The following GABRB1 variants were observed in gnomAD, a reference collection of about 807,000 sequenced individuals.
GABRB1 encodes the protein gamma-aminobutyric acid type A receptor subunit beta1.
Under a neutral mutation model 51.6 loss-of-function variants are expected in GABRB1, and 17 were observed. That is an observed-to-expected ratio of 0.33 (90% CI 0.23 to 0.49). The LOEUF (loss-of-function observed/expected upper bound fraction) is 0.49, where lower values mean the gene tolerates loss of function less well. GABRB1 is among the 20% of genes least tolerant of loss of function. The pLI is 0.99. For missense variants in GABRB1, 410 were observed against 600.6 expected (o/e 0.68, Z 3.32); for synonymous variants, 247 against 218.9 (o/e 1.13, Z -1.14).
intron 4 of GABRB1, among the ~76,000 whole-genome samples, chr4:47,184,068 C>T (rs544665363): frequency 1.2e-4 from 18 of 151,940 alleles, no homozygotes; most frequent in African/African-American, 4.3e-4. Context: ...AAAGTGATTC[C>T]CACTGTAAAT....
intron 4 of GABRB1, among the ~76,000 whole-genome samples, chr4:47,310,585 T>C (rs1385303345): frequency 6.6e-6 from 1 of 152,162 alleles, no homozygotes; most frequent in African/African-American, 2.4e-5. Flanking sequence ...CTACAATAAC[T>C]GGGGAGAACT....
intron 5 of GABRB1, among the ~76,000 whole-genome samples, chr4:47,326,343 A>T (rs138923164): frequency 9.9e-5 from 15 of 152,282 alleles, no homozygotes; most frequent in African/African-American, 3.6e-4. Flanking sequence ...CAGGCATTGT[A>T]TCATCTCACA....
At chr4:47,168,927 A>G (rs1391133009) in intron 4 of GABRB1, among the ~76,000 whole-genome samples, 1 of 152,122 alleles carries the variant, frequency 6.6e-6, no homozygotes, top group Non-Finnish European at 1.5e-5. Context: ...GTGTCTCCAC[A>G]TAATCTTCCC....
chr4:47,135,278 C>T (rs970158366), intron 3 of GABRB1, among the ~76,000 whole-genome samples: 1 of 152,002 alleles, frequency 6.6e-6, no homozygotes, highest in South Asian at 2.1e-4. Flanking sequence ...CTTTAGGAAT[C>T]GGCAGCACAT....
chr4:47,031,792 T>C (rs1224978420), intron 1 of GABRB1, 61 bp downstream of exon 1: 1 of 1,541,046 alleles, frequency 6.5e-7, no homozygotes, highest in Non-Finnish European at 9.0e-7. Flanking sequence ...CTTGGTATGT[T>C]TCTTTTTACG....
intron 4 of GABRB1, among the ~76,000 whole-genome samples, chr4:47,186,545 A>G (rs1221566756): frequency 1.3e-5 from 2 of 151,878 alleles, no homozygotes; most frequent in African/African-American, 2.4e-5. Context: ...AAAATGGCCC[A>G]TGCACTTTCC....
intron 5 of GABRB1, among the ~76,000 whole-genome samples, chr4:47,361,272 A>C (rs926649974): frequency 2.0e-5 from 3 of 152,176 alleles, no homozygotes; most frequent in Non-Finnish European, 4.4e-5. Flanking sequence ...ACTTAAGGAA[A>C]GCGTGCCAAC....
chr4:47,022,181 G>T (rs1026006399), intron 1 of GABRB1, among the ~76,000 whole-genome samples: 3 of 151,942 alleles, frequency 2.0e-5, no homozygotes, highest in Admixed American at 1.3e-4. Context: ...ACTTTATTTT[G>T]TGTGTTAATT....
chr4:47,335,456 C>T (rs1338039092), intron 5 of GABRB1, among the ~76,000 whole-genome samples: 2 of 151,950 alleles, frequency 1.3e-5, no homozygotes, highest in South Asian at 2.1e-4. Context: ...AGATGATACT[C>T]TCCCTGTTGT....
chr4:47,138,975 G>C (rs1295511916), intron 3 of GABRB1, among the ~76,000 whole-genome samples: 1 of 151,930 alleles, frequency 6.6e-6, no homozygotes, highest in African/African-American at 2.4e-5. Context: ...CAAACATTTG[G>C]GATGAAAGTG....
At chr4:47,193,446 A>G (rs1719526412) in intron 4 of GABRB1, among the ~76,000 whole-genome samples, 1 of 152,204 alleles carries the variant, frequency 6.6e-6, no homozygotes, top group African/African-American at 2.4e-5. Flanking sequence ...CCATTTTACA[A>G]TGGAAGAAAC....
chr4:47,041,414 A>C (rs532445593), intron 3 of GABRB1, among the ~76,000 whole-genome samples: 1 of 152,220 alleles, frequency 6.6e-6, no homozygotes, highest in African/African-American at 2.4e-5. Flanking sequence ...AGATTCAAAT[A>C]GAAGAGGGCC....
In GABRB1 at chr4:47,050,371, T is replaced by G. The variant is rs1726290850; in HGVS notation, c.240+17887T>G. ...AAGTTCAAAATCCATTTAATTCTAATTTTATTGGAGAGTTAGTAGAAAGGA... is the reference window on the plus strand; with the variant it reads ...AAGTTCAAAATCCATTTAATTCTAAGTTTATTGGAGAGTTAGTAGAAAGGA... On this transcript the variant is annotated intron_variant, in intron 3 of 8. Transcript: ENST00000295454. 2.6e-5 allele frequency among the ~76,000 whole-genome samples: 4 copies of G among 152,270 alleles called. No individual in the cohort carries two copies. The South Asian group carries it at 8.3e-4, about 32-fold the overall frequency.
intron 3 of GABRB1, among the ~76,000 whole-genome samples, chr4:47,052,577 T>G (rs62305283): frequency 0.22 from 33,797 of 152,152 alleles, 4,866 homozygotes; most frequent in Middle Eastern, 0.37. Context: ...TAAGACCCAT[T>G]TGTACTGTGG....
At chr4:47,409,119 G>A (rs1728675890) in intron 8 of GABRB1, among the ~76,000 whole-genome samples, 1 of 152,192 alleles carries the variant, frequency 6.6e-6, no homozygotes, top group Admixed American at 6.5e-5. Flanking sequence ...TGGGAGCCGG[G>A]GCAAGCACTT....
At chr4:47,272,732 C>T (rs1722921589) in intron 4 of GABRB1, among the ~76,000 whole-genome samples, 1 of 152,080 alleles carries the variant, frequency 6.6e-6, no homozygotes. Context: ...CAAAATATTC[C>T]TTTACCCAGA....
intron 4 of GABRB1, among the ~76,000 whole-genome samples, chr4:47,162,244 T>C (rs1717988938): frequency 6.6e-6 from 1 of 152,036 alleles, no homozygotes; most frequent in African/African-American, 2.4e-5. Flanking sequence ...TTAGTTATGG[T>C]TCATATACTA....
intron 3 of GABRB1, among the ~76,000 whole-genome samples, chr4:47,100,735 A>T (rs983347676): frequency 1.3e-5 from 2 of 152,026 alleles, no homozygotes; most frequent in Non-Finnish European, 1.5e-5. Context: ...AGCAAAAAGT[A>T]GAAAGCCCCT....
chr4:47,276,055 A>G (rs1391219465), intron 4 of GABRB1, among the ~76,000 whole-genome samples: 1 of 152,172 alleles, frequency 6.6e-6, no homozygotes, highest in Non-Finnish European at 1.5e-5. Flanking sequence ...TGGTTTTGAA[A>G]TATGAGTTAT....
Sources: gnomAD v4.1 joint callset for allele counts (sites outside exome capture counted in the v4.1 genomes callset) on GRCh38, gnomAD v4.1.1 for gene constraint, MANE v1.5 for transcripts, NCBI Gene and HGNC (gene_info 2026-07-23, HGNC 2026-07-21) for gene names.